Variants in SPDYE1 observed in about 807,000 individuals in gnomAD.
SPDYE1 encodes the protein speedy protein E1.
A neutral mutation model predicts 45.9 loss-of-function variants in SPDYE1; 29 were observed. The ratio of observed to expected loss-of-function variants is 0.63; its 90% CI spans 0.47 to 0.86. The LOEUF is 0.86. Among genes scored for constraint, SPDYE1 ranks in the 40% least tolerant of loss-of-function variants. The pLI, the probability that SPDYE1 is intolerant of heterozygous loss-of-function variation, is 0.00. For synonymous variants in SPDYE1, 134 were observed against 176.8 expected (o/e 0.76, Z 1.92); for missense variants, 346 against 481.4 (o/e 0.72, Z 2.63).
chr7:44,004,024 T>A, intron 5 of SPDYE1, 113 bp downstream of exon 5: 2 of 769,104 alleles, frequency 2.6e-6, no homozygotes, highest in Non-Finnish European at 3.8e-6. Flanking sequence ...GCTCCTACAG[T>A]CTTTTTTTTT....
intron 8 of SPDYE1, among the ~76,000 whole-genome samples, 181 bp from the exon 9 acceptor site, chr7:44,008,483 GTCA>G: frequency 6.6e-6 from 1 of 152,322 alleles, no homozygotes; most frequent in African/African-American, 2.4e-5. Context: ...TGGAGTCATG[GTCA>G]CCAAAGTGTG....
In SPDYE1 at chr7:44,008,655, T is replaced by C; in HGVS notation, c.*46-12T>C. 2.3e-6 allele frequency: 3 copies of C among 1,278,332 alleles called. No homozygotes were observed. Among genetic ancestry groups the C allele is most frequent in the South Asian group, 1.3e-5 (1 of 79,080 alleles). 79.2% of individuals were successfully genotyped at this position (1,278,332 alleles called of 1,614,324 possible). A position where few individuals can be genotyped will look rare whatever the true frequency, so the allele number is the denominator to read the frequency against. On this transcript the variant is annotated splice_polypyrimidine_tract_variant and intron_variant, in intron 8 of 8. Transcript: ENST00000693451. ...CCTCCTTGAAGTGTGACATTGTCTC[T>C]CTCCCTTCCAGAACACCGGACCCAG...
rs1209931037 is a variant in SPDYE1 at position 44,009,152 on chromosome 7, A to G, written c.*531A>G. On this transcript the variant is annotated 3_prime_UTR_variant, in exon 9 of 9. Transcript: ENST00000693451. ...TTGTTTGGAAAATGTTGGCCATTGA[A>G]TTATTCATAGATTTATTTCAAATAG... 1 of 203,210 alleles carries G rather than the reference A, an allele frequency of 4.9e-6. No homozygotes were observed. The highest frequency in any genetic ancestry group is 1.0e-5 in the Non-Finnish European group (1 of 100,176). 12.6% of individuals were successfully genotyped at this position (203,210 alleles called of 1,614,324 possible).
Position 44,007,418 on chromosome 7 carries a change from C to A in SPDYE1, c.903C>A (p.Asn301Lys). Residue 301 changes from asparagine (N) to lysine (K), a missense_variant, in exon 7 of 9, where the codon AAC becomes AAA. Asn to Lys is a moderately conservative substitution (Grantham distance 94). This residue lies in a region of SPDYE1 where 186 missense variants were observed against 219.1 expected (regional missense o/e 0.85). Coordinates refer to ENST00000693451, the MANE Select transcript of SPDYE1 (RefSeq NM_001378423.2). Reference protein sequence around the residue: ...YRSMNPRARKNRSHIPLVRKR... With the variant: ...YRSMNPRARKKRSHIPLVRKR... ...CCATGAACCCGAGGGCCAGGAAGAACCGCTCTCACATACCCTTGGTCCGTA... is the reference window on the plus strand; with the variant it reads ...CCATGAACCCGAGGGCCAGGAAGAAACGCTCTCACATACCCTTGGTCCGTA... The A allele has an allele frequency of 1.2e-6, 2 of 1,612,052 alleles. No individual in the cohort carries two copies. The highest frequency in any genetic ancestry group is 2.3e-5 in the East Asian group (1 of 44,372).
rs780312109 is a variant in SPDYE1 at position 44,001,008 on chromosome 7, G to A, written c.161-58G>A. 91 of 1,596,786 alleles carry A rather than the reference G, an allele frequency of 5.7e-5. No individual in the cohort carries two copies. In the African/African-American group the frequency reaches 9.9e-4, roughly 17 times the overall value. On this transcript the variant is annotated intron_variant, in intron 2 of 8. Transcript: ENST00000693451. ...GGAGAGTGGTTTGGGGTTTTGGGTC[G>A]GGGTCTAAGGTGATCAGATGCAGAA...
intron 5 of SPDYE1, chr7:44,004,838 T>G (rs2128778194): frequency 2.0e-6 from 1 of 489,780 alleles, no homozygotes; most frequent in African/African-American, 2.0e-5. Context: ...TTCGGGACAG[T>G]TCTCTGCCTG....
In SPDYE1 at chr7:44,007,840, G is replaced by A. The variant is rs952412599; in HGVS notation, c.*45+27G>A. 9.4e-6 allele frequency: 15 copies of A among 1,594,696 alleles called. No homozygotes were observed. The African/African-American group carries it at 1.3e-4, about 14-fold the overall frequency. On this transcript the variant is annotated intron_variant, in intron 8 of 8. Transcript: ENST00000693451. ...TACATCTGCATCCTCCGGGGTAAAGGCAGAATATTGGGGTCTATTTCGGAA... is the reference window on the plus strand; with the variant it reads ...TACATCTGCATCCTCCGGGGTAAAGACAGAATATTGGGGTCTATTTCGGAA...
In SPDYE1 at chr7:44,002,671, C is replaced by T. The variant is rs139740661; in HGVS notation, c.461C>T (p.Ser154Leu). ...KMEWWDKSEE[S>L]EEEPRKVLAP... ...GAGTGGTGGGACAAATCTGAGGAGTCGGAGGAGGAGCCACGGAAGGTGCTC... is the reference window on the plus strand; with the variant it reads ...GAGTGGTGGGACAAATCTGAGGAGTTGGAGGAGGAGCCACGGAAGGTGCTC... The change falls in exon 4 of 9, where the codon TCG becomes TTG. Residue 154 changes from serine to leucine, a missense_variant. This residue lies in a region of SPDYE1 where 141 missense variants were observed against 176.7 expected (regional missense o/e 0.80). Coordinates refer to ENST00000693451, the MANE Select transcript of SPDYE1 (RefSeq NM_001378423.2). 22 of 1,597,308 alleles carry T rather than the reference C, an allele frequency of 1.4e-5. No individual in the cohort carries two copies. Among genetic ancestry groups the T allele is most frequent in the African/African-American group, 6.7e-5 (5 of 74,728 alleles).
intron 1 of SPDYE1, among the ~76,000 whole-genome samples, 126 bp from the exon 2 acceptor site, chr7:43,999,402 G>A (rs1166720773): frequency 1.3e-5 from 2 of 150,960 alleles, no homozygotes; most frequent in Admixed American, 6.6e-5. Flanking sequence ...GGGATCTCTT[G>A]TACATGATAA....
In SPDYE1 at chr7:43,999,940, G is replaced by C. The variant is rs1400344131; in HGVS notation, c.-10G>C. On this transcript the variant is annotated 5_prime_UTR_variant, in exon 2 of 9. Coordinates refer to ENST00000693451, the MANE Select transcript of SPDYE1 (RefSeq NM_001378423.2). ...CTCTTCTGGATCCTAGCAGTGTCCAGAAGAAGGCCATGGACAGAACGGAGA... is the reference window on the plus strand; with the variant it reads ...CTCTTCTGGATCCTAGCAGTGTCCACAAGAAGGCCATGGACAGAACGGAGA... 1.0e-6 allele frequency: 1 copy of C among 983,430 alleles called. No homozygotes were observed. The highest frequency in any genetic ancestry group is 1.2e-6 in the Non-Finnish European group (1 of 829,402). 60.9% of individuals were successfully genotyped at this position (983,430 alleles called of 1,614,324 possible). A position where few individuals can be genotyped will look rare whatever the true frequency, so the allele number is the denominator to read the frequency against.
intron 7 of SPDYE1, 48 bp from the exon 8 acceptor site, chr7:44,007,661 G>A: frequency 6.2e-7 from 1 of 1,611,762 alleles, no homozygotes; most frequent in Non-Finnish European, 8.5e-7. Flanking sequence ...GGGAGAGAGG[G>A]GTATCCTGGC....
chr7:44,007,067 T>C, intron 6 of SPDYE1: 1 of 1,362,762 alleles, frequency 7.3e-7, no homozygotes. Flanking sequence ...TGGGTTTTTG[T>C]CTCCATCCTG....
intron 1 of SPDYE1, among the ~76,000 whole-genome samples, chr7:43,998,456 G>C (rs1456665917): frequency 1.3e-5 from 2 of 151,310 alleles, no homozygotes; most frequent in East Asian, 1.9e-4. Flanking sequence ...TGCGATTACA[G>C]GTATCCACCA....
Position 44,009,611 on chromosome 7 carries a change from T to C in SPDYE1, c.*990T>C, listed in dbSNP as rs2096076428. ...TTATTTTATTTATTTAAATATTTAT[T>C]AAATATATTTATTTATTTAAATGTT... On this transcript the variant is annotated 3_prime_UTR_variant, in exon 9 of 9. Transcript: ENST00000693451. The C allele has an allele frequency of 6.7e-6, 1 of 148,486 alleles. No homozygotes were observed. Among genetic ancestry groups the C allele is most frequent in the African/African-American group, 2.4e-5 (1 of 40,954 alleles). The allele number at this position is 148,486 out of a possible 1,614,324, so 9.2% of individuals were successfully genotyped here. A position where few individuals can be genotyped will look rare whatever the true frequency, so the allele number is the denominator to read the frequency against.
chr7:44,009,567 G>C lies in SPDYE1; in HGVS notation c.*946G>C, dbSNP rs1442129260. The stretch of plus-strand genomic sequence containing the variant: ...TATTGGTTTATTTTGAAAAACATGG[G>C]TATAGAATTATTTAAATATTATTTT... On this transcript the variant is annotated 3_prime_UTR_variant, in exon 9 of 9. Transcript: ENST00000693451. The C allele has an allele frequency of 6.7e-6, 1 of 148,400 alleles. No individual in the cohort carries two copies. The highest frequency in any genetic ancestry group is 2.5e-5 in the African/African-American group (1 of 40,736). The allele number at this position is 148,400 out of a possible 1,614,324, so 9.2% of individuals were successfully genotyped here.
Position 44,001,189 on chromosome 7 carries a change from T to C in SPDYE1, c.284T>C (p.Val95Ala), listed in dbSNP as rs1177851916. The C allele has an allele frequency of 2.5e-6, 4 of 1,598,054 alleles. No individual in the cohort carries two copies. Among genetic ancestry groups the C allele is most frequent in the Non-Finnish European group, 2.5e-6 (3 of 1,179,820 alleles). The change falls in exon 3 of 9, where the codon GTA becomes GCA. Residue 95 changes from valine (V) to alanine (A), a missense_variant. Around this residue, in one of 4 missense-constraint regions of SPDYE1, gnomAD observed 141 missense variants for 176.7 expected, o/e 0.80. Transcript: ENST00000693451. ...ELAPEPEETW[V>A]VETLCGLKMK... ...GCCCCTGAGCCTGAGGAGACCTGGG[T>C]AGTGGAGACGCTGTGTGGGCTCAAG...
intron 6 of SPDYE1, among the ~76,000 whole-genome samples, chr7:44,005,539 G>A (rs576019633): frequency 1.7e-4 from 26 of 152,218 alleles, no homozygotes; most frequent in South Asian, 2.1e-4. Flanking sequence ...TTAGCTGGGC[G>A]TGGTGGTGTG....
rs1424639298 is a variant in SPDYE1 at position 44,007,454 on chromosome 7, C to A, written c.939C>A (p.Phe313Leu). The A allele has an allele frequency of 1.3e-6, 2 of 1,573,268 alleles. No individual in the cohort carries two copies. The highest frequency in any genetic ancestry group is 2.3e-5 in the South Asian group (2 of 85,938). ...TACCCTTGGTCCGTAAGCGTCGGTT[C>A]CAGTTACGCCGTTGCATGAACCCGA... ...SHIPLVRKRR[F>L]QLRRCMNPRA... The change falls in exon 7 of 9, where the codon TTC (phenylalanine) becomes TTA (leucine). Residue 313 changes from phenylalanine (F) to leucine (L), a missense_variant. Transcript: ENST00000693451.
intron 3 of SPDYE1, among the ~76,000 whole-genome samples, chr7:44,001,541 C>CA (rs1174223054): frequency 1.3e-5 from 2 of 152,098 alleles, no homozygotes; most frequent in African/African-American, 4.8e-5. Context: ...GAGATCCTAG[C>CA]ACGTTGGGAG....
Sources: gnomAD v4.1 joint callset for allele counts (sites outside exome capture counted in the v4.1 genomes callset) on GRCh38, gnomAD v4.1.1 for gene constraint, gnomAD v4.1.1 regional missense constraint, MANE v1.5 for transcripts, NCBI Gene and HGNC (gene_info 2026-07-23, HGNC 2026-07-21) for gene names.